The following KRR1 variants were observed in gnomAD, a reference collection of about 807,000 sequenced individuals.
The protein encoded by KRR1 is KRR1 small subunit processome component homolog.
Under a neutral mutation model 50.0 loss-of-function variants are expected in KRR1, and 23 were observed. The ratio of observed to expected loss-of-function variants is 0.46; its 90% CI spans 0.33 to 0.65. The LOEUF (loss-of-function observed/expected upper bound fraction) is 0.65. Ranked by LOEUF, KRR1 falls within the 30% of genes least tolerant of loss-of-function variation. KRR1 has a pLI of 0.02. For missense variants in KRR1, 419 were observed against 442.4 expected (o/e 0.95, Z 0.47); for synonymous variants, 133 against 146.3 (o/e 0.91, Z 0.66).
rs777326564 is a variant in KRR1 at position 75,511,525 on chromosome 12, G to C, written c.73C>G (p.Pro25Ala). Residue 25 changes from proline to alanine, a missense_variant, in exon 1 of 10, where the codon CCG becomes GCG. Physicochemically the swap from Pro to Ala is conservative, Grantham distance 27 (BLOSUM62 -1). Transcript: ENST00000229214. ...CACATAACATCACCTTGGTTCTCCG[G>C]CTTCGGCTTCTGGTTACGAAATTCA... ...KSEFRNQKPK[P>A]ENQDESELLT... 6.2e-7 allele frequency: 1 copy of C among 1,614,028 alleles called. No individual in the cohort carries two copies. Among genetic ancestry groups the C allele is most frequent in the Non-Finnish European group, 8.5e-7 (1 of 1,179,902 alleles).
chr12:75,508,233 G>A, intron 2 of KRR1, 41 bp downstream of exon 2: 1 of 1,435,692 alleles, frequency 7.0e-7, no homozygotes. Context: ...ATAAGCAAGA[G>A]CAAAGTCTCA....
chr12:75,502,067 T>A, intron 7 of KRR1, 67 bp from the exon 8 acceptor site: 1 of 1,268,090 alleles, frequency 7.9e-7, no homozygotes. Context: ...CCTAAGCAAG[T>A]CACAATATCC....
At chr12:75,510,482 C>G (rs2046442309) in intron 1 of KRR1, among the ~76,000 whole-genome samples, 1 of 152,164 alleles carries the variant, frequency 6.6e-6, no homozygotes, top group African/African-American at 2.4e-5. Flanking sequence ...AAGTATCACC[C>G]TGTTTGAAAA....
Position 75,504,032 on chromosome 12 carries a change from G to C in KRR1, c.703C>G (p.Arg235Gly). 1.9e-6 allele frequency: 3 copies of C among 1,611,712 alleles called. No individual in the cohort carries two copies. The highest frequency in any genetic ancestry group is 2.5e-6 in the Non-Finnish European group (3 of 1,178,574). ...KRELAKDSEL[R>G]SQSWERFLPQ... ...AAAAATCTCTCCCAACTTTGTGATC[G>C]TAATTCAGAATCTTTTGCCAACTCT... The change falls in exon 7 of 10, where the codon CGA becomes GGA. Residue 235 changes from arginine to glycine, a missense_variant. By Grantham distance (125) the Arg-to-Gly change is moderately radical (BLOSUM62 -2). Transcript: ENST00000229214.
At chr12:75,507,000 AATTTC>A (rs1041861759) in intron 2 of KRR1, 84 bp from the exon 3 acceptor site, 1 of 1,155,534 alleles carries the variant, frequency 8.7e-7, no homozygotes, top group Non-Finnish European at 1.2e-6. Context: ...CCAACCTATT[AATTTC>A]TGTCACCTCT....
rs747843506 is a variant in KRR1, at chr12:75,498,681, C to CCTAA, written c.*1124_*1127dup. The CCTAA allele has an allele frequency of 1.8e-5, 29 of 1,608,678 alleles. No individual in the cohort carries two copies. The Admixed American group carries it at 2.5e-4, about 14-fold the overall frequency. On this transcript the variant is annotated 3_prime_UTR_variant, in exon 10 of 10. Coordinates refer to ENST00000229214, the MANE Select transcript of KRR1 (RefSeq NM_007043.7). The stretch of plus-strand genomic sequence containing the variant: ...CTTTTAATTTTTTTTCTTTCTTCCC[C>CCTAA]CTAACTTTACAGTTAACCGACAGCG...
At position 75,496,561 on chromosome 12, in the gene KRR1, A is replaced by T. The variant is rs748293079; in HGVS notation, c.*3248T>A. ...TCTTGTTCTAGACACAAACCCTTCCATCCCAGTATGTTTTTTTACCATGGT... is the reference window on the plus strand; with the variant it reads ...TCTTGTTCTAGACACAAACCCTTCCTTCCCAGTATGTTTTTTTACCATGGT... On this transcript the variant is annotated 3_prime_UTR_variant, in exon 10 of 10. Transcript: ENST00000229214. 1 of 136,170 alleles carries T rather than the reference A, an allele frequency of 7.3e-6. No individual in the cohort carries two copies. The highest frequency in any genetic ancestry group is 1.7e-5 in the Non-Finnish European group (1 of 58,826). The allele number at this position is 136,170 out of a possible 1,614,324, so 8.4% of individuals were successfully genotyped here.
chr12:75,498,641 T>C lies in KRR1; in HGVS notation c.*1168A>G. Reference sequence around the variant, plus strand: ...GACTTAGCTTTTTAAAATAAAACTCTCAACTGTGTCTACCCTTTTAATTTT... The same window carrying C: ...GACTTAGCTTTTTAAAATAAAACTCCCAACTGTGTCTACCCTTTTAATTTT... On this transcript the variant is annotated 3_prime_UTR_variant, in exon 10 of 10. Coordinates refer to ENST00000229214, the MANE Select transcript of KRR1 (RefSeq NM_007043.7). 7.0e-7 allele frequency: 1 copy of C among 1,437,846 alleles called. No homozygotes were observed. Among genetic ancestry groups the C allele is most frequent in the East Asian group, 2.3e-5 (1 of 43,970 alleles). 89.1% of individuals were successfully genotyped at this position (1,437,846 alleles called of 1,614,324 possible).
At chr12:75,506,940 G>T in intron 2 of KRR1, 24 bp from the exon 3 acceptor site, 1 of 1,558,656 alleles carries the variant, frequency 6.4e-7, no homozygotes, top group Admixed American at 2.2e-5. Flanking sequence ...GAGCAAACAA[G>T]CAGTTGTCTA....
Position 75,499,825 on chromosome 12 carries a change from T to TTTTTC in KRR1, c.1125_1129dup (p.Lys377ArgfsTer14), listed in dbSNP as rs901694845. On this transcript the variant is annotated frameshift_variant, in exon 10 of 10. Coordinates refer to ENST00000229214, the MANE Select transcript of KRR1 (RefSeq NM_007043.7). LOFTEE classifies it high-confidence loss of function. Reference sequence around the variant, plus strand: ...TTGGGTATGTTACTTTTTTTTCTTCTTTTTCTTTTCATCTGCCTCCATCTT... The same window carrying TTTTTC: ...TTGGGTATGTTACTTTTTTTTCTTCTTTTTCTTTTCTTTTCATCTGCCTCCATCTT... 4 of 1,600,018 alleles carry TTTTTC rather than the reference T, an allele frequency of 2.5e-6. No individual in the cohort carries two copies.
Position 75,506,867 on chromosome 12 carries a change from G to A in KRR1, c.308C>T (p.Thr103Ile). 6.2e-7 allele frequency: 1 copy of A among 1,613,104 alleles called. No homozygotes were observed. Among genetic ancestry groups the A allele is most frequent in the Non-Finnish European group, 8.5e-7 (1 of 1,179,434 alleles). ...DLIEGSMTVC[T>I]TKKTFDPYII... ...ATATGGATCAAAAGTCTTCTTTGTAGTACAAACAGTCATGCTGCCTTCGAT... is the reference window on the plus strand; with the variant it reads ...ATATGGATCAAAAGTCTTCTTTGTAATACAAACAGTCATGCTGCCTTCGAT... Residue 103 changes from threonine to isoleucine, a missense_variant, in exon 3 of 10, where the codon ACT (threonine) becomes ATT (isoleucine). By Grantham distance (89) the Thr-to-Ile change is moderately conservative. Transcript: ENST00000229214.
Position 75,498,883 on chromosome 12 carries a change from C to T in KRR1, c.*926G>A. 14 of 1,610,532 alleles carry T rather than the reference C, an allele frequency of 8.7e-6. No homozygotes were observed. The highest frequency in any genetic ancestry group is 1.2e-5 in the Non-Finnish European group (14 of 1,177,032). ...ATATCCACGTAACAGATACACTTCT[C>T]TCTTTCTCATTGTTAATTCAGTAAT... On this transcript the variant is annotated 3_prime_UTR_variant, in exon 10 of 10. Coordinates refer to ENST00000229214, the MANE Select transcript of KRR1 (RefSeq NM_007043.7).
At chr12:75,507,504 A>G (rs556594862) in intron 2 of KRR1, among the ~76,000 whole-genome samples, 7 of 152,304 alleles carry the variant, frequency 4.6e-5, no homozygotes, top group Non-Finnish European at 8.8e-5. Flanking sequence ...ATATTTCAAC[A>G]TAGTTAAGTG....
chr12:75,506,905 T>G lies in KRR1; in HGVS notation c.270A>C (p.Ala90=). The G allele has an allele frequency of 6.3e-7, 1 of 1,592,258 alleles. No homozygotes were observed. Among genetic ancestry groups the G allele is most frequent in the Non-Finnish European group, 8.5e-7 (1 of 1,172,680 alleles). Residue 90 remains alanine (A), a synonymous_variant, in exon 3 of 10, where the codon GCA becomes GCC. Transcript: ENST00000229214. ...QKALNEHHVN[A]TLDLIEGSMT... is the part of the protein sequence containing the mutation. ...TGCTGCCTTCGATCAGGTCCAGGGT[T>G]GCATTAACATGCTACAGAAGGAAAG...
rs1369106076 is a variant in KRR1 at position 75,498,893 on chromosome 12, T to C, written c.*916A>G. The C allele has an allele frequency of 3.7e-6, 6 of 1,609,454 alleles. No individual in the cohort carries two copies. The highest frequency in any genetic ancestry group is 2.2e-5 in the South Asian group (2 of 90,962). On this transcript the variant is annotated 3_prime_UTR_variant, in exon 10 of 10. Transcript: ENST00000229214. ...AACAGATACACTTCTCTCTTTCTCA[T>C]TGTTAATTCAGTAATTCTAATACTG...
At chr12:75,504,505 A>C (rs2120616119) in intron 6 of KRR1, among the ~76,000 whole-genome samples, 1 of 152,226 alleles carries the variant, frequency 6.6e-6, no homozygotes, top group African/African-American at 2.4e-5. Context: ...TATTCCATTT[A>C]AATTTCAGAC....
rs1491118680 is a variant in KRR1 at position 75,499,696 on chromosome 12, ACC to A, written c.*111_*112del. The A allele has an allele frequency of 5.8e-5, 36 of 616,806 alleles. No individual in the cohort carries two copies. Among genetic ancestry groups the A allele is most frequent in the Non-Finnish European group, 8.0e-5 (31 of 387,968 alleles). 38.2% of individuals were successfully genotyped at this position (616,806 alleles called of 1,614,324 possible). On this transcript the variant is annotated 3_prime_UTR_variant, in exon 10 of 10. Transcript: ENST00000229214. The stretch of plus-strand genomic sequence containing the variant: ...CACTCTTCTATGAACAACCACCACC[ACC>A]AAAAAAAAAAAAAGCCCTCAGAAAA...
At position 75,499,037 on chromosome 12, in the gene KRR1, T is replaced by TA. The variant is rs1428681182; in HGVS notation, c.*771dup. 1 of 1,115,426 alleles carries TA rather than the reference T, an allele frequency of 9.0e-7. No individual in the cohort carries two copies. The highest frequency in any genetic ancestry group is 2.5e-5 in the East Asian group (1 of 40,378). The allele number at this position is 1,115,426 out of a possible 1,614,324, so 69.1% of individuals were successfully genotyped here. A position where few individuals can be genotyped will look rare whatever the true frequency, so the allele number is the denominator to read the frequency against. On this transcript the variant is annotated 3_prime_UTR_variant, in exon 10 of 10. Transcript: ENST00000229214. ...CCTCATTCACATATGGCTTTTTTTT[T>TA]AACCAATAACAATTAGGTGTACTTC... is the stretch of plus-strand genomic sequence containing the variant.
chr12:75,496,404 A>T lies in KRR1; in HGVS notation c.*3405T>A, dbSNP rs1043527240. 6 of 152,114 alleles carry T rather than the reference A, an allele frequency of 3.9e-5. No homozygotes were observed. The highest frequency in any genetic ancestry group is 1.4e-4 in the African/African-American group (6 of 41,438). The allele number at this position is 152,114 out of a possible 1,614,324, so 9.4% of individuals were successfully genotyped here. ...TGCAACATGGCACTTTTTATTAGCC[A>T]GACAGCATTTAATGAAGAAGTGTAG... On this transcript the variant is annotated 3_prime_UTR_variant, in exon 10 of 10. Coordinates refer to ENST00000229214, the MANE Select transcript of KRR1 (RefSeq NM_007043.7).
Sources: gnomAD v4.1 joint callset for allele counts (sites outside exome capture counted in the v4.1 genomes callset) on GRCh38, gnomAD v4.1.1 for gene constraint, MANE v1.5 for transcripts, NCBI Gene and HGNC (gene_info 2026-07-23, HGNC 2026-07-21) for gene names.